Variants in SEMA3A observed in about 807,000 individuals in gnomAD.
SEMA3A encodes the protein semaphorin 3A.
SEMA3A carries 29 observed loss-of-function variants against 97.9 expected under a neutral mutation model. That is an observed-to-expected ratio of 0.30 (90% CI 0.22 to 0.40). The LOEUF is 0.40. Among genes scored for constraint, SEMA3A ranks in the 10% least tolerant of loss-of-function variants. SEMA3A has a pLI of 1.00. For missense variants in SEMA3A, 763 were observed against 951.3 expected, an observed-to-expected ratio of 0.80 and a Z score of 2.60; for synonymous variants, 321 against 323.7, an observed-to-expected ratio of 0.99 and a Z score of 0.09.
At chr7:84,205,589 G>T (rs1184076259) in intron 3 of SEMA3A, among the ~76,000 whole-genome samples, 3 of 152,050 alleles carry the variant, frequency 2.0e-5, no homozygotes, top group Admixed American at 6.5e-5. Flanking sequence ...ATAATTTCCA[G>T]AAGTCTAGAA....
At chr7:83,991,509 A>C (rs991735212) in intron 12 of SEMA3A, among the ~76,000 whole-genome samples, 4 of 151,014 alleles carry the variant, frequency 2.6e-5, no homozygotes, top group Admixed American at 6.6e-5. Context: ...TACCTAATTT[A>C]TTGAGAGTTT....
chr7:84,167,922 T>C (rs1437751359), intron 1 of SEMA3A, among the ~76,000 whole-genome samples: 1 of 152,184 alleles, frequency 6.6e-6, no homozygotes, highest in Non-Finnish European at 1.5e-5. Flanking sequence ...TGAATGGCAG[T>C]ATCGAAGTGG....
rs79785025 is a variant in SEMA3A, at chr7:84,072,088, T to C, written c.454-11530A>G. On this transcript the variant is annotated intron_variant, in intron 4 of 16. Transcript: ENST00000265362. ...GATACTCTTTAACGTCTTGGTGGTA[T>C]GTGTGTTATTATTAATATATTATTG... Among the ~76,000 whole-genome samples, 418 of 152,186 alleles carry C rather than the reference T, an allele frequency of 2.7e-3. 2 individuals carry two copies. The highest frequency in any genetic ancestry group is 9.7e-3 in the African/African-American group (403 of 41,538).
intron 2 of SEMA3A, among the ~76,000 whole-genome samples, chr7:84,340,398 G>C (rs1041728817): frequency 6.6e-6 from 1 of 152,054 alleles, no homozygotes; most frequent in African/African-American, 2.4e-5. Context: ...TATCTAGATG[G>C]ATATAGATAT....
intron 3 of SEMA3A, among the ~76,000 whole-genome samples, chr7:84,249,394 T>TCTAA (rs1799551058): frequency 1.3e-5 from 2 of 151,792 alleles, no homozygotes; most frequent in Admixed American, 6.6e-5. Context: ...TATCTATCTA[T>TCTAA]CTATCTATCT....
intron 1 of SEMA3A, among the ~76,000 whole-genome samples, chr7:84,406,652 A>G (rs1804099171): frequency 6.6e-6 from 1 of 152,308 alleles, no homozygotes; most frequent in Non-Finnish European, 1.5e-5. Context: ...AAAATCCTCA[A>G]TAAAATACTG....
chr7:83,980,038 T>G (rs544020722), intron 14 of SEMA3A, among the ~76,000 whole-genome samples: 1 of 152,302 alleles, frequency 6.6e-6, no homozygotes, highest in East Asian at 1.9e-4. Flanking sequence ...ATAAAGCTGG[T>G]TCCATTTTAT....
intron 2 of SEMA3A, among the ~76,000 whole-genome samples, chr7:84,369,504 C>T (rs1481882593): frequency 1.3e-5 from 2 of 150,904 alleles, no homozygotes; most frequent in African/African-American, 2.4e-5. Context: ...AGACTTGGTA[C>T]GAAAGAAGAA....
In SEMA3A at chr7:84,376,603, CAAAAAAAAAAAAA is replaced by C. The variant is rs60380985; in HGVS notation, c.-245-4716_-245-4704del. Reference sequence around the variant, plus strand: ...TGGGCGACAGAGCGAGACTCCGTCTCAAAAAAAAAAAAAAAAAAAAAAAAAAAAAGAAGTGTTC... The same window carrying C: ...TGGGCGACAGAGCGAGACTCCGTCTCAAAAAAAAAAAAAAAAGAAGTGTTC... On this transcript the variant is annotated intron_variant, in intron 1 of 3. Coordinates refer to the SEMA3A transcript ENST00000424555. 8.8e-4 allele frequency among the ~76,000 whole-genome samples: 32 copies of C among 36,440 alleles called. 2 individuals are homozygous for C. The South Asian group carries it at 0.053, about 60-fold the overall frequency. 23.9% of individuals were successfully genotyped at this position (36,440 alleles called of 152,430 possible). A position where few individuals can be genotyped will look rare whatever the true frequency, so the allele number is the denominator to read the frequency against.
At chr7:84,339,968 T>C (rs1484884541) in intron 2 of SEMA3A, among the ~76,000 whole-genome samples, 2 of 152,076 alleles carry the variant, frequency 1.3e-5, no homozygotes, top group Non-Finnish European at 2.9e-5. Context: ...ATAGAAGATT[T>C]GAAGTCACTT....
At chr7:84,334,923 T>C (rs1802001016) in intron 2 of SEMA3A, among the ~76,000 whole-genome samples, 1 of 151,482 alleles carries the variant, frequency 6.6e-6, no homozygotes, top group Non-Finnish European at 1.5e-5. Flanking sequence ...CCTCATTTTC[T>C]ACTTAGACTC....
At chr7:84,014,464 ATCTTT>A in intron 6 of SEMA3A, 113 bp from the exon 7 acceptor site, 1 of 810,484 alleles carries the variant, frequency 1.2e-6, no homozygotes, top group Non-Finnish European at 1.9e-6. Flanking sequence ...CAAGAAACGT[ATCTTT>A]CGTTTGTTCA....
intron 5 of SEMA3A, among the ~76,000 whole-genome samples, chr7:84,049,717 T>A (rs1320044687): frequency 1.3e-5 from 2 of 152,064 alleles, no homozygotes; most frequent in African/African-American, 2.4e-5. Flanking sequence ...TTTCATTTTT[T>A]AAAATTATTA....
rs186833786 is a variant in SEMA3A at position 84,476,377 on chromosome 7, A to G, written c.-246+16083T>C. On this transcript the variant is annotated intron_variant, in intron 1 of 3. Coordinates refer to the SEMA3A transcript ENST00000424555. ...CCATCTCAAAAAAAAAAAAAAGAAA[A>G]GAAAAAATTTTTTTTCAATGTGTCT... 4.3e-3 allele frequency among the ~76,000 whole-genome samples: 657 copies of G among 151,988 alleles called. 2 individuals carry two copies. Among genetic ancestry groups the G allele is most frequent in the Non-Finnish European group, 7.5e-3 (508 of 67,938 alleles).
intron 1 of SEMA3A, among the ~76,000 whole-genome samples, chr7:84,402,454 T>C (rs1197417087): frequency 6.6e-6 from 1 of 152,136 alleles, no homozygotes; most frequent in Non-Finnish European, 1.5e-5. Context: ...CAAAAAACTA[T>C]AATTAGAACT....
intron 3 of SEMA3A, among the ~76,000 whole-genome samples, chr7:84,224,532 T>G (rs1798946645): frequency 6.6e-6 from 1 of 152,040 alleles, no homozygotes; most frequent in African/African-American, 2.4e-5. Context: ...TCATGATGAA[T>G]GAGTATTGAC....
intron 3 of SEMA3A, among the ~76,000 whole-genome samples, chr7:84,223,514 T>A (rs1798926264): frequency 6.6e-6 from 1 of 151,856 alleles, no homozygotes. Flanking sequence ...ACTTACTTGA[T>A]GAGATTGCAT....
At chr7:83,981,838 T>C (rs1181976770) in intron 13 of SEMA3A, among the ~76,000 whole-genome samples, 1 of 152,168 alleles carries the variant, frequency 6.6e-6, no homozygotes, top group Non-Finnish European at 1.5e-5. Context: ...AATGTCTTTA[T>C]TACCATGTGT....
chr7:84,089,873 A>G (rs62477289), intron 4 of SEMA3A, among the ~76,000 whole-genome samples: 63,434 of 151,732 alleles, frequency 0.42, 14,988 homozygotes, highest in Admixed American at 0.53. Context: ...GAACTGTGCT[A>G]AAGATGCAAT....
Sources: allele counts gnomAD v4.1 joint callset (sites outside exome capture counted in the v4.1 genomes callset), GRCh38; gene constraint gnomAD v4.1.1; transcripts MANE v1.5; gene names NCBI Gene and HGNC (gene_info 2026-07-23, HGNC 2026-07-21).